Variants in MAML2 observed in about 807,000 individuals in gnomAD.
MAML2 encodes mastermind-like protein 2.
In MAML2, 22 loss-of-function variants were observed where a neutral mutation model predicts 96.1. That is an observed-to-expected ratio of 0.23 (90% CI 0.16 to 0.33). The LOEUF (loss-of-function observed/expected upper bound fraction) is 0.33, where lower values mean the gene tolerates loss of function less well. MAML2 is among the 10% of genes least tolerant of loss of function. The probability of loss-of-function intolerance (pLI) is 1.00; values close to 1 mark genes in which losing one functional copy is unlikely to be tolerated. For synonymous variants in MAML2, 561 were observed against 521.3 expected (o/e 1.08, Z -1.04); for missense variants, 1,367 against 1,392.4 (o/e 0.98, Z 0.29).
At chr11:96,113,014 C>G (rs905632503) in intron 1 of MAML2, among the ~76,000 whole-genome samples, 1 of 151,832 alleles carries the variant, frequency 6.6e-6, no homozygotes, top group Non-Finnish European at 1.5e-5. Flanking sequence ...AGCAAAAAGG[C>G]AACAATACAG....
chr11:96,067,296 A>G (rs1013644209), intron 2 of MAML2, among the ~76,000 whole-genome samples: 2 of 152,222 alleles, frequency 1.3e-5, no homozygotes, highest in Admixed American at 6.5e-5. Flanking sequence ...GTGTAGCCTG[A>G]CACTCTTTTA....
At chr11:96,188,405 TC>T (rs770548978) in intron 1 of MAML2, among the ~76,000 whole-genome samples, 1 of 152,158 alleles carries the variant, frequency 6.6e-6, no homozygotes, top group Non-Finnish European at 1.5e-5. Flanking sequence ...ATCCTTCCCT[TC>T]CCTGGGGCTG....
intron 1 of MAML2, among the ~76,000 whole-genome samples, chr11:96,140,710 C>T (rs1288370217): frequency 2.0e-5 from 3 of 152,204 alleles, no homozygotes; most frequent in Non-Finnish European, 4.4e-5. Context: ...TCCAGATCTA[C>T]ATGACAGATA....
chr11:96,033,559 G>A (rs567991208), intron 2 of MAML2, among the ~76,000 whole-genome samples: 43 of 152,300 alleles, frequency 2.8e-4, no homozygotes, highest in African/African-American at 1.0e-3. Flanking sequence ...TAGACTTGAC[G>A]CACTGTAAAT....
chr11:96,276,086 T>C (rs113926796), intron 1 of MAML2, among the ~76,000 whole-genome samples: 4 of 152,294 alleles, frequency 2.6e-5, no homozygotes, highest in African/African-American at 7.2e-5. Context: ...TGCTATCTCA[T>C]GTCCATGAAA....
chr11:96,105,146 T>C (rs1860002379), intron 1 of MAML2, among the ~76,000 whole-genome samples: 1 of 152,214 alleles, frequency 6.6e-6, no homozygotes, highest in Non-Finnish European at 1.5e-5. Context: ...AATGGACACA[T>C]TTATTTTGGT....
At chr11:96,064,289 A>C (rs1486465151) in intron 2 of MAML2, among the ~76,000 whole-genome samples, 1 of 152,220 alleles carries the variant, frequency 6.6e-6, no homozygotes, top group African/African-American at 2.4e-5. Flanking sequence ...GATGGAAGCA[A>C]AAGCTAGGTG....
At chr11:96,222,014 C>G (rs1448127610) in intron 1 of MAML2, among the ~76,000 whole-genome samples, 2 of 151,998 alleles carry the variant, frequency 1.3e-5, no homozygotes, top group African/African-American at 4.8e-5. Flanking sequence ...TAATTTGGAC[C>G]TTTGTAATCT....
chr11:96,082,491 C>T (rs1232626741), intron 2 of MAML2, among the ~76,000 whole-genome samples: 1 of 152,096 alleles, frequency 6.6e-6, no homozygotes, highest in Middle Eastern at 3.2e-3. Flanking sequence ...AACTGCCTAA[C>T]AAAGTGGACA....
chr11:96,194,077 C>T lies in MAML2; in HGVS notation c.514-100560G>A, dbSNP rs147087952. Among the ~76,000 whole-genome samples the T allele has an allele frequency of 3.2e-3, 485 of 152,238 alleles. 2 individuals are homozygous for T. Among genetic ancestry groups the T allele is most frequent in the African/African-American group, 0.011 (468 of 41,530 alleles). Reference sequence around the variant, plus strand: ...ATAGGCCTATCCGTCAAATGGTAAACGATCTAGAACTGGCCTCAAAATAAG... The same window carrying T: ...ATAGGCCTATCCGTCAAATGGTAAATGATCTAGAACTGGCCTCAAAATAAG... On this transcript the variant is annotated intron_variant, in intron 1 of 4. Coordinates refer to ENST00000524717, the MANE Select transcript of MAML2 (RefSeq NM_032427.4).
rs1861511875 is a variant in MAML2, at chr11:96,182,981, CAG to C, written c.514-89466_514-89465del. Among the ~76,000 whole-genome samples, 4 of 125,086 alleles carry C rather than the reference CAG, an allele frequency of 3.2e-5. No individual in the cohort carries two copies. The South Asian group carries it at 1.0e-3, about 32-fold the overall frequency. The allele number at this position is 125,086 out of a possible 152,430, so 82.1% of individuals were successfully genotyped here. A position where few individuals can be genotyped will look rare whatever the true frequency, so the allele number is the denominator to read the frequency against. On this transcript the variant is annotated intron_variant, in intron 1 of 4. Coordinates refer to ENST00000524717, the MANE Select transcript of MAML2 (RefSeq NM_032427.4). Reference sequence around the variant, plus strand: ...TCTTTTTTTTTTTTTTTTTTTGAGACAGAGTCTTGCTCTGTCACCAGGCTGGA... The same window carrying C: ...TCTTTTTTTTTTTTTTTTTTTGAGACAGTCTTGCTCTGTCACCAGGCTGGA...
At chr11:96,233,621 C>T (rs1862327289) in intron 1 of MAML2, among the ~76,000 whole-genome samples, 2 of 152,140 alleles carry the variant, frequency 1.3e-5, no homozygotes, top group Admixed American at 1.3e-4. Flanking sequence ...GCTGCCCAGG[C>T]TGGTCTCAAA....
At position 96,341,812 on chromosome 11, in the gene MAML2, G is replaced by C. The variant is rs964576878; in HGVS notation, c.84C>G (p.Val28=). The change falls in exon 1 of 5, where the codon GTC becomes GTG. Residue 28 remains valine, a synonymous_variant. Transcript: ENST00000524717. ...SGAGLLGGGS[V]TPRVHSAIVE... ...CGATAGCACTGTGCACTCTCGGGGT[G>C]ACTGAGCCCCCTCCAAGGAGCCCCG... is the stretch of plus-strand genomic sequence containing the variant. 6.3e-7 allele frequency: 1 copy of C among 1,599,304 alleles called. No homozygotes were observed. Among genetic ancestry groups the C allele is most frequent in the Non-Finnish European group, 8.5e-7 (1 of 1,175,452 alleles).
At chr11:96,051,590 G>T (rs1858991851) in intron 2 of MAML2, among the ~76,000 whole-genome samples, 1 of 152,154 alleles carries the variant, frequency 6.6e-6, no homozygotes, top group Admixed American at 6.5e-5. Context: ...CAACTAGTGT[G>T]TTATTTAGTG....
At chr11:96,253,679 G>A (rs142566663) in intron 1 of MAML2, among the ~76,000 whole-genome samples, 1 of 152,204 alleles carries the variant, frequency 6.6e-6, no homozygotes, top group African/African-American at 2.4e-5. Flanking sequence ...AGGCAAAGCT[G>A]TTCCAGCACA....
chr11:96,021,491 A>C, intron 2 of MAML2, among the ~76,000 whole-genome samples: 1 of 152,182 alleles, frequency 6.6e-6, no homozygotes, highest in East Asian at 1.9e-4. Context: ...AGGACTGCAC[A>C]TCCTGGCCTC....
chr11:96,192,924 AT>A (rs1861675253), intron 1 of MAML2, among the ~76,000 whole-genome samples: 1 of 152,242 alleles, frequency 6.6e-6, no homozygotes, highest in African/African-American at 2.4e-5. Context: ...CTATTTTAAA[AT>A]CAAAATTCTG....
At chr11:96,159,730 A>G (rs1337728460) in intron 1 of MAML2, among the ~76,000 whole-genome samples, 1 of 152,094 alleles carries the variant, frequency 6.6e-6, no homozygotes, top group Non-Finnish European at 1.5e-5. Flanking sequence ...GGCCTAAACC[A>G]CTGATTCTTA....
At chr11:96,244,318 T>G (rs1239436045) in intron 1 of MAML2, among the ~76,000 whole-genome samples, 2 of 152,266 alleles carry the variant, frequency 1.3e-5, no homozygotes, top group Non-Finnish European at 2.9e-5. Flanking sequence ...TGCCCTATTA[T>G]GACGTGTAAG....
Sources: gnomAD v4.1 joint callset for allele counts (sites outside exome capture counted in the v4.1 genomes callset) on GRCh38, gnomAD v4.1.1 for gene constraint, MANE v1.5 for transcripts, NCBI Gene and HGNC (gene_info 2026-07-23, HGNC 2026-07-21) for gene names.